ZNF81: variants seen among roughly 807,000 people sequenced by gnomAD.
ZNF81 encodes the protein zinc finger protein 81.
In ZNF81, 5 loss-of-function variants were observed where a neutral mutation model predicts 32.3. The observed-to-expected ratio is 0.15, with a 90% CI of 0.08 to 0.33. ZNF81 has a LOEUF of 0.33. ZNF81 is among the 10% of genes least tolerant of loss of function. The pLI, the probability that ZNF81 is intolerant of heterozygous loss-of-function variation, is 1.00. For missense variants in ZNF81, 379 were observed against 479.8 expected (o/e 0.79, Z 1.96); for synonymous variants, 163 against 166.8 (o/e 0.98, Z 0.17).
rs1556891477 is a variant in ZNF81, at chrX:47,919,067, A to T, written c.*2435A>T. On this transcript the variant is annotated 3_prime_UTR_variant, in exon 5 of 5. Coordinates refer to ENST00000338637, the MANE Select transcript of ZNF81 (RefSeq NM_007137.5). ...GCCACACCTGAACCTGATACAGAAG[A>T]CTTGAGATTCTGGATTGGAGCTTGA... is the stretch of plus-strand genomic sequence containing the variant. 1 of 311,116 alleles carries T rather than the reference A, an allele frequency of 3.2e-6. No homozygotes were observed. Among genetic ancestry groups the T allele is most frequent in the Non-Finnish European group, 6.2e-6 (1 of 160,155 alleles). 25.6% of individuals were successfully genotyped at this position (311,116 alleles called of 1,213,427 possible). A position where few individuals can be genotyped will look rare whatever the true frequency, so the allele number is the denominator to read the frequency against.
At chrX:47,840,979 A>T in intron 1 of ZNF81, 1 of 648,397 alleles carries the variant, frequency 1.5e-6, no homozygotes, top group South Asian at 2.3e-5. Flanking sequence ...CAGCTGGTGG[A>T]TGAGCAGATT....
At chrX:47,844,662 T>G (rs1569372016) in intron 1 of ZNF81, among the ~76,000 whole-genome samples, 2 of 112,395 alleles carry the variant, frequency 1.8e-5, no homozygotes, top group Admixed American at 9.4e-5. Context: ...GGAATGGACA[T>G]GGGTTTTTAA....
intron 4 of ZNF81, among the ~76,000 whole-genome samples, chrX:47,914,207 C>T (rs149431793): frequency 1.8e-5 from 2 of 111,668 alleles, no homozygotes; most frequent in Non-Finnish European, 3.8e-5. Context: ...TGAATGCCAG[C>T]CTCCAACACT....
chrX:47,914,648 A>G (rs1343260748), intron 4 of ZNF81, among the ~76,000 whole-genome samples: 3 of 111,684 alleles, frequency 2.7e-5, no homozygotes, highest in East Asian at 5.6e-4. Flanking sequence ...TGATGTTTGC[A>G]CAACAACGAA....
chrX:47,868,522 T>C (rs1395223530), intron 2 of ZNF81, among the ~76,000 whole-genome samples: 1 of 111,241 alleles, frequency 9.0e-6, no homozygotes, highest in Non-Finnish European at 1.9e-5. Context: ...CGTCATTAAA[T>C]TACTCCAAAT....
chrX:47,839,092 G>A (rs950393110), intron 1 of ZNF81, among the ~76,000 whole-genome samples: 8 of 112,353 alleles, frequency 7.1e-5, no homozygotes, highest in African/African-American at 2.6e-4. Flanking sequence ...GCTTTGTCTG[G>A]TTTTAGTATT....
chrX:47,905,218 A>G (rs2058716503), intron 4 of ZNF81, among the ~76,000 whole-genome samples: 1 of 79,512 alleles, frequency 1.3e-5, no homozygotes, highest in African/African-American at 4.4e-5. Context: ...TATAATAATA[A>G]TAAAATTTTA....
At chrX:47,865,200 G>GATGCC (rs782256835) in intron 2 of ZNF81, among the ~76,000 whole-genome samples, 75 of 111,869 alleles carry the variant, frequency 6.7e-4, no homozygotes, top group Non-Finnish European at 6.0e-4. Context: ...GTAAAACCGA[G>GATGCC]ATGCCACTGG....
At chrX:47,854,545 T>C (rs782558608) in intron 2 of ZNF81, among the ~76,000 whole-genome samples, 1 of 111,848 alleles carries the variant, frequency 8.9e-6, no homozygotes, top group South Asian at 3.7e-4. Flanking sequence ...GGGAGAGACA[T>C]GTGACTCTTC....
chrX:47,837,947 A>G (rs1037829879), intron 1 of ZNF81, among the ~76,000 whole-genome samples: 1 of 112,378 alleles, frequency 8.9e-6, no homozygotes, highest in Non-Finnish European at 1.9e-5. Flanking sequence ...TAACTGTGCC[A>G]AGTCTTCCAA....
intron 2 of ZNF81, among the ~76,000 whole-genome samples, chrX:47,886,601 CTTT>C (rs564623338): frequency 4.2e-5 from 4 of 96,142 alleles, no homozygotes; most frequent in East Asian, 3.3e-4. Flanking sequence ...CTCTCTCTCT[CTTT>C]TTTTTTTTTT....
chrX:47,888,011 T>C lies in ZNF81; in HGVS notation c.67T>C (p.Phe23Leu). Residue 23 changes from phenylalanine to leucine, a missense_variant, in exon 3 of 5, where the codon TTT becomes CTT. This residue lies in a region of ZNF81 where 277 missense variants were observed against 306.6 expected (regional missense o/e 0.90). Coordinates refer to ENST00000338637, the MANE Select transcript of ZNF81 (RefSeq NM_007137.5). ...TGTGTTGTTACAGGTATCAGTGTCA[T>C]TTGAGGATGTGACTGTGGACTTCAG... ...HGSACEVSVS[F>L]EDVTVDFSRE... 1 of 1,211,285 alleles carries C rather than the reference T, an allele frequency of 8.3e-7. No individual in the cohort carries two copies. The highest frequency in any genetic ancestry group is 1.1e-6 in the Non-Finnish European group (1 of 895,411).
rs782174202 is a variant in ZNF81, at chrX:47,849,119, A to G, written c.54+2798A>G. On this transcript the variant is annotated intron_variant, in intron 2 of 4. Transcript: ENST00000338637. ...AGCAATGCTGCTAGGAACATTCTTC[A>G]TGTCTCCATGCACATGTGTATACCC... is the stretch of plus-strand genomic sequence containing the variant. Among the ~76,000 whole-genome samples, 390 of 112,223 alleles carry G rather than the reference A, an allele frequency of 3.5e-3. 1 individual carries two copies. The Middle Eastern group carries it at 0.037, about 11-fold the overall frequency.
intron 4 of ZNF81, among the ~76,000 whole-genome samples, chrX:47,904,884 TA>T (rs782686108): frequency 0.031 from 3,449 of 111,317 alleles, 67 homozygotes; most frequent in Non-Finnish European, 0.046. Context: ...TATGCAGCCA[TA>T]AAAAATGATG....
At chrX:47,860,244 C>T (rs934574433) in intron 2 of ZNF81, among the ~76,000 whole-genome samples, 2 of 104,746 alleles carry the variant, frequency 1.9e-5, no homozygotes, top group African/African-American at 3.5e-5. Flanking sequence ...GGCGTGATCT[C>T]GGCTCACTGC....
intron 2 of ZNF81, among the ~76,000 whole-genome samples, chrX:47,884,950 G>T (rs2058635778): frequency 8.9e-6 from 1 of 111,934 alleles, no homozygotes; most frequent in African/African-American, 3.3e-5. Flanking sequence ...CATGAAAAAG[G>T]AAGGATACCT....
At chrX:47,850,923 ACACACACACACAAC>A in intron 2 of ZNF81, among the ~76,000 whole-genome samples, 3 of 47,535 alleles carry the variant, frequency 6.3e-5, no homozygotes, top group Non-Finnish European at 1.6e-4. Flanking sequence ...ACACACACAC[ACACACACACACAAC>A]CCAACACCCC....
At position 47,916,102 on chromosome X, in the gene ZNF81, C is replaced by T; in HGVS notation, c.1456C>T (p.Gln486Ter). ...GKSFPSKSQLQMHKRIHTGEK... is the reference protein window; with the variant it reads ...GKSFPSKSQL ...ATCTTTCCCTTCTAAGTCACAACTC[C>T]AGATGCATAAGAGAATTCATACAGG... Residue 486 changes from glutamine (Q) to a stop codon, truncating the protein, a stop_gained, in exon 5 of 5, where the codon CAG (glutamine) becomes TAG (stop). Transcript: ENST00000338637. LOFTEE classifies it high-confidence loss of function. The T allele has an allele frequency of 1.7e-6, 2 of 1,210,489 alleles. No individual in the cohort carries two copies. The highest frequency in any genetic ancestry group is 2.2e-6 in the Non-Finnish European group (2 of 895,128).
intron 1 of ZNF81, among the ~76,000 whole-genome samples, chrX:47,842,342 C>T (rs1261780703): frequency 9.0e-6 from 1 of 111,376 alleles, no homozygotes; most frequent in Non-Finnish European, 1.9e-5. Context: ...TTTCCTGGTC[C>T]GTTAACAGGA....
Sources: gnomAD v4.1 joint callset for allele counts (sites outside exome capture counted in the v4.1 genomes callset) on GRCh38, gnomAD v4.1.1 for gene constraint, gnomAD v4.1.1 regional missense constraint, MANE v1.5 for transcripts, NCBI Gene and HGNC (gene_info 2026-07-23, HGNC 2026-07-21) for gene names.